The following RIMOC1 variants were observed in gnomAD, a reference collection of about 807,000 sequenced individuals.
RIMOC1 encodes RAB7A interacting MON1-CCZ1 complex subunit 1.
At chr5:41,919,227 T>C in the RIMOC1 span, 1 of 152,178 alleles carries the variant, frequency 6.6e-6, no homozygotes, top group Non-Finnish European at 1.5e-5. Context: ...ATCTGTTATA[T>C]AAAATCCTTT....
the RIMOC1 span, chr5:41,907,886 T>A: frequency 2.2e-5 from 27 of 1,210,908 alleles, no homozygotes; most frequent in African/African-American, 1.5e-5. Flanking sequence ...GAGGGCAGGT[T>A]GTTTATTTAG....
the RIMOC1 span, among the ~76,000 whole-genome samples, chr5:41,909,080 A>G: frequency 1.3e-5 from 2 of 152,282 alleles, no homozygotes; most frequent in South Asian, 2.1e-4. Flanking sequence ...ACTGAGGCTC[A>G]AAAAAGGTAA....
chr5:41,915,607 T>C, the RIMOC1 span, among the ~76,000 whole-genome samples: 1 of 152,180 alleles, frequency 6.6e-6, no homozygotes. Flanking sequence ...AAGGCACTTC[T>C]TACATGGCGG....
the RIMOC1 span, chr5:41,911,109 T>G: frequency 6.2e-7 from 1 of 1,610,250 alleles, no homozygotes; most frequent in African/African-American, 1.3e-5. Context: ...GGAGCCCTGC[T>G]GTATATGTAT....
the RIMOC1 span, among the ~76,000 whole-genome samples, chr5:41,905,814 A>C: frequency 6.6e-6 from 1 of 152,270 alleles, no homozygotes; most frequent in Non-Finnish European, 1.5e-5. Context: ...GGAATGAATC[A>C]GAGCTGGAAA....
the RIMOC1 span, among the ~76,000 whole-genome samples, chr5:41,906,858 G>T: frequency 6.6e-6 from 1 of 152,188 alleles, no homozygotes; most frequent in African/African-American, 2.4e-5. Flanking sequence ...GGCCCATGAA[G>T]AAGAAAGGGA....
At chr5:41,911,841 C>CT in the RIMOC1 span, among the ~76,000 whole-genome samples, 20 of 150,770 alleles carry the variant, frequency 1.3e-4, no homozygotes, top group African/African-American at 3.2e-4. Flanking sequence ...TTAATGTCTT[C>CT]TTTTTTTTTA....
the RIMOC1 span, chr5:41,912,289 T>C: frequency 2.8e-5 from 19 of 688,434 alleles, no homozygotes; most frequent in South Asian, 3.5e-4. Flanking sequence ...AGGTAGATTA[T>C]AGACAAAAAA....
the RIMOC1 span, chr5:41,909,749 A>G: frequency 1.3e-4 from 179 of 1,383,394 alleles, 1 homozygote; most frequent in African/African-American, 1.4e-3. Flanking sequence ...TTTTTAGGCT[A>G]TTTTGGACAT....
chr5:41,916,001 C>T, the RIMOC1 span, among the ~76,000 whole-genome samples: 1 of 152,302 alleles, frequency 6.6e-6, no homozygotes, highest in South Asian at 2.1e-4. Flanking sequence ...TTTTTCATAT[C>T]CAGTGCCATC....
chr5:41,906,104 A>G, the RIMOC1 span, among the ~76,000 whole-genome samples: 20,551 of 152,220 alleles, frequency 0.14, 2,339 homozygotes, highest in African/African-American at 0.31. Context: ...CTAGGATATA[A>G]GGGTTTGATG....
chr5:41,906,947 G>C, the RIMOC1 span, among the ~76,000 whole-genome samples: 1 of 152,160 alleles, frequency 6.6e-6, no homozygotes, highest in Non-Finnish European at 1.5e-5. Context: ...TCTTGATTAT[G>C]GGTGTATCTA....
chr5:41,910,510 G>C, the RIMOC1 span, among the ~76,000 whole-genome samples: 17,408 of 151,666 alleles, frequency 0.11, 1,519 homozygotes, highest in African/African-American at 0.24. Flanking sequence ...GATACTCTTT[G>C]AAGCAAATAA....
chr5:41,905,582 T>C, the RIMOC1 span, among the ~76,000 whole-genome samples: 1 of 152,246 alleles, frequency 6.6e-6, no homozygotes, highest in African/African-American at 2.4e-5. Context: ...GAGTGTGTTC[T>C]TTAAAGACCT....
the RIMOC1 span, chr5:41,909,920 A>G: frequency 2.0e-6 from 3 of 1,524,136 alleles, no homozygotes; most frequent in African/African-American, 2.8e-5. Context: ...GTTAATTATG[A>G]TGGAATATTG....
chr5:41,918,496 T>C, the RIMOC1 span: 48,373 of 985,314 alleles, frequency 0.049, 1,336 homozygotes, highest in Middle Eastern at 0.071. Context: ...TCACCAGTTA[T>C]TCTTCTTTCC....
the RIMOC1 span, chr5:41,904,455 G>T: frequency 1.2e-6 from 2 of 1,614,042 alleles, no homozygotes; most frequent in Admixed American, 1.7e-5. Context: ...TAGCGAAGCT[G>T]CCGGTGAAGA....
chr5:41,909,853 A>G, the RIMOC1 span: 6 of 1,584,050 alleles, frequency 3.8e-6, no homozygotes, highest in Non-Finnish European at 3.4e-6. Flanking sequence ...TTCTTTCAGA[A>G]CCAGAAATTT....
the RIMOC1 span, among the ~76,000 whole-genome samples, chr5:41,910,226 C>T: frequency 6.6e-6 from 1 of 152,064 alleles, no homozygotes; most frequent in African/African-American, 2.4e-5. Context: ...TCTGTTCTTA[C>T]AGTCCTTATT....
Sources: allele counts gnomAD v4.1 joint callset (sites outside exome capture counted in the v4.1 genomes callset), GRCh38; gene constraint gnomAD v4.1.1; transcripts MANE v1.5; gene names NCBI Gene and HGNC (gene_info 2026-07-23, HGNC 2026-07-21).